The following TTC7B variants were observed in gnomAD, a reference collection of about 807,000 sequenced individuals.
TTC7B encodes the protein tetratricopeptide repeat domain 7B.
Under a neutral mutation model 106.8 loss-of-function variants are expected in TTC7B, and 28 were observed. The observed-to-expected ratio is 0.26, with a 90% CI of 0.19 to 0.36. The LOEUF (loss-of-function observed/expected upper bound fraction) is 0.36, where lower values mean the gene tolerates loss of function less well. Ranked by LOEUF, TTC7B falls within the 10% of genes least tolerant of loss-of-function variation. The pLI is 1.00. For synonymous variants in TTC7B, 405 were observed against 430.6 expected, an observed-to-expected ratio of 0.94 and a Z score of 0.74; for missense variants, 862 against 1,076.4, an observed-to-expected ratio of 0.80 and a Z score of 2.79.
intron 13 of TTC7B, among the ~76,000 whole-genome samples, chr14:90,651,895 T>C (rs1051415587): frequency 6.6e-6 from 1 of 152,208 alleles, no homozygotes; most frequent in Non-Finnish European, 1.5e-5. Flanking sequence ...CTAACGAAGC[T>C]TGTCAGGTAT....
In TTC7B at chr14:90,537,755, TC is replaced by T; in HGVS notation, c.*3612del. On this transcript the variant is annotated 3_prime_UTR_variant, in exon 20 of 20. Transcript: ENST00000328459. ...ACCTTCTAAACAGCAGCCCTGCCACTCCCTACACCCCTTCCCTGGCTTCATC... is the reference window on the plus strand; with the variant it reads ...ACCTTCTAAACAGCAGCCCTGCCACTCCTACACCCCTTCCCTGGCTTCATC... 1 of 152,124 alleles carries T rather than the reference TC, an allele frequency of 6.6e-6. No homozygotes were observed. Among genetic ancestry groups the T allele is most frequent in the Non-Finnish European group, 1.5e-5 (1 of 68,062 alleles). The allele number at this position is 152,124 out of a possible 1,614,324, so 9.4% of individuals were successfully genotyped here.
chr14:90,561,574 C>T (rs1020180151), intron 19 of TTC7B, among the ~76,000 whole-genome samples: 17 of 152,330 alleles, frequency 1.1e-4, no homozygotes, highest in Non-Finnish European at 2.1e-4. Context: ...TCCCACAGCC[C>T]GGTGGGATGA....
chr14:90,541,230 T>C lies in TTC7B; in HGVS notation c.*138A>G, dbSNP rs1352029747. ...GAGCGATGATTCGGGGTTGGTTTGG[T>C]TGGTTCACTGTGGCCCACTGAACAC... On this transcript the variant is annotated 3_prime_UTR_variant, in exon 20 of 20. Transcript: ENST00000328459. 1 of 739,016 alleles carries C rather than the reference T, an allele frequency of 1.4e-6. No homozygotes were observed. Among genetic ancestry groups the C allele is most frequent in the Non-Finnish European group, 2.1e-6 (1 of 482,866 alleles). 45.8% of individuals were successfully genotyped at this position (739,016 alleles called of 1,614,324 possible).
Position 90,735,391 on chromosome 14 carries a change from A to C in TTC7B, c.577-5195T>G, listed in dbSNP as rs925762647. On this transcript the variant is annotated intron_variant, in intron 4 of 19. Coordinates refer to ENST00000328459, the MANE Select transcript of TTC7B (RefSeq NM_001010854.2). ...GTGTGGTGGTGTGTACCTGTAGTCC[A>C]AACTACTGGGGATGCTGAGGCGGAA... is the stretch of plus-strand genomic sequence containing the variant. Among the ~76,000 whole-genome samples the C allele has an allele frequency of 6.6e-5, 10 of 151,914 alleles. No homozygotes were observed. The South Asian group carries it at 1.9e-3, about 28-fold the overall frequency.
rs907331682 is a variant in TTC7B, at chr14:90,577,010, G to A, written c.2310+1096C>T. Among the ~76,000 whole-genome samples the A allele has an allele frequency of 3.3e-5, 5 of 152,108 alleles. No homozygotes were observed. The East Asian group carries it at 5.8e-4, about 18-fold the overall frequency. On this transcript the variant is annotated intron_variant, in intron 19 of 19. Transcript: ENST00000328459. The surrounding 1 kb of genome is among the most constrained non-coding windows in gnomAD (Gnocchi z 5.0). ...GGTTAAAGAGCAAGCAGCTGATGTC[G>A]CTGGGACCAGAACTGTGTCCTCAGA... is the stretch of plus-strand genomic sequence containing the variant.
intron 11 of TTC7B, 60 bp from the exon 12 acceptor site, chr14:90,655,170 C>T: frequency 5.4e-6 from 7 of 1,308,236 alleles, no homozygotes; most frequent in Non-Finnish European, 7.7e-6. Context: ...CATGAGTTCC[C>T]ATAAGCGTCT....
intron 5 of TTC7B, among the ~76,000 whole-genome samples, chr14:90,707,629 AG>A (rs1888262844): frequency 6.6e-6 from 1 of 152,230 alleles, no homozygotes; most frequent in Non-Finnish European, 1.5e-5. Context: ...TTTTAAAAAA[AG>A]CAAAAGAGCC....
At chr14:90,701,841 A>G (rs1383042349) in intron 5 of TTC7B, among the ~76,000 whole-genome samples, 5 of 150,702 alleles carry the variant, frequency 3.3e-5, no homozygotes, top group Non-Finnish European at 7.4e-5. Context: ...GAGAGAGAAC[A>G]CTCATACCTA....
chr14:90,588,934 T>G (rs1181229567), intron 18 of TTC7B, among the ~76,000 whole-genome samples: 3 of 149,304 alleles, frequency 2.0e-5, no homozygotes, highest in African/African-American at 7.4e-5. Flanking sequence ...CAGCACCTAT[T>G]TCAGAGACAA....
intron 3 of TTC7B, among the ~76,000 whole-genome samples, chr14:90,761,025 T>G (rs1890482290): frequency 6.6e-6 from 1 of 152,248 alleles, no homozygotes; most frequent in Non-Finnish European, 1.5e-5. Context: ...GAGAAAATTA[T>G]GACAGTGAAA....
At chr14:90,642,966 T>C (rs1885247191) in intron 15 of TTC7B, among the ~76,000 whole-genome samples, 1 of 152,088 alleles carries the variant, frequency 6.6e-6, no homozygotes, top group Admixed American at 6.5e-5. Context: ...CCACTGGAGT[T>C]CAACATCACT....
At position 90,723,078 on chromosome 14, in the gene TTC7B, A is replaced by T. The variant is rs536567253; in HGVS notation, c.698+6997T>A. ...TGACACTTCCACTTAGACATCTCAC[A>T]GGCATCTTAAACCTAACATGCCAAA... On this transcript the variant is annotated intron_variant, in intron 5 of 19. Coordinates refer to ENST00000328459, the MANE Select transcript of TTC7B (RefSeq NM_001010854.2). Among the ~76,000 whole-genome samples, 7 of 152,350 alleles carry T rather than the reference A, an allele frequency of 4.6e-5. No homozygotes were observed. The East Asian group carries it at 1.3e-3, about 29-fold the overall frequency.
chr14:90,656,635 AT>A (rs1255215947), intron 11 of TTC7B, among the ~76,000 whole-genome samples: 1 of 152,172 alleles, frequency 6.6e-6, no homozygotes, highest in Non-Finnish European at 1.5e-5. Flanking sequence ...CTACAAAAAA[AT>A]TAAAAAATTA....
Position 90,654,916 on chromosome 14 carries a change from C to T in TTC7B, c.1459+77G>A. 5 of 1,170,328 alleles carry T rather than the reference C, an allele frequency of 4.3e-6. No homozygotes were observed. In the South Asian group the frequency reaches 6.2e-5, roughly 15 times the overall value. The allele number at this position is 1,170,328 out of a possible 1,614,324, so 72.5% of individuals were successfully genotyped here. ...TGCACCCTCCTGAGACAGAAGGGGA[C>T]TGTGGGAATCCCGCAGGGTAGACTT... On this transcript the variant is annotated intron_variant, in intron 12 of 19. Coordinates refer to ENST00000328459, the MANE Select transcript of TTC7B (RefSeq NM_001010854.2).
Position 90,811,467 on chromosome 14 carries a change from A to T in TTC7B, c.121+4708T>A, listed in dbSNP as rs781076890. Among the ~76,000 whole-genome samples, 8 of 152,212 alleles carry T rather than the reference A, an allele frequency of 5.3e-5. No homozygotes were observed. In the South Asian group the frequency reaches 1.7e-3, roughly 32 times the overall value. On this transcript the variant is annotated intron_variant, in intron 1 of 19. Coordinates refer to ENST00000328459, the MANE Select transcript of TTC7B (RefSeq NM_001010854.2). The stretch of plus-strand genomic sequence containing the variant: ...AAGACCCTCAGGCCAGCCAGGGAGG[A>T]CCATAGTCCACCCCGACTCCTCTTC...
chr14:90,655,850 T>G (rs190061590), intron 11 of TTC7B, among the ~76,000 whole-genome samples: 1 of 152,234 alleles, frequency 6.6e-6, no homozygotes, highest in Admixed American at 6.5e-5. Flanking sequence ...CAGAAAAGAT[T>G]TGTTACTCTT....
intron 15 of TTC7B, among the ~76,000 whole-genome samples, chr14:90,625,288 G>A (rs1220354068): frequency 6.6e-6 from 1 of 152,204 alleles, no homozygotes; most frequent in Non-Finnish European, 1.5e-5. Context: ...CAGAGAGTCT[G>A]AGATCAGCCC....
chr14:90,685,258 G>T (rs1035463468), intron 7 of TTC7B, among the ~76,000 whole-genome samples: 3 of 152,168 alleles, frequency 2.0e-5, no homozygotes, highest in Non-Finnish European at 2.9e-5. Context: ...TAGCCAAAAT[G>T]AGGTTTGCAC....
Position 90,570,287 on chromosome 14 carries a change from A to G in TTC7B, c.2310+7819T>C, listed in dbSNP as rs957237875. 5.3e-5 allele frequency among the ~76,000 whole-genome samples: 8 copies of G among 152,110 alleles called. No homozygotes were observed. Among genetic ancestry groups the G allele is most frequent in the Admixed American group, 2.0e-4 (3 of 15,282 alleles). On this transcript the variant is annotated intron_variant, in intron 19 of 19. Coordinates refer to ENST00000328459, the MANE Select transcript of TTC7B (RefSeq NM_001010854.2). The surrounding 1 kb of genome is among the most constrained non-coding windows in gnomAD (Gnocchi z 4.0). Reference sequence around the variant, plus strand: ...TCAAATCACATGGCTGCATCATCCAATCCTGCCTCGAAGTCATTTCCCGCA... The same window carrying G: ...TCAAATCACATGGCTGCATCATCCAGTCCTGCCTCGAAGTCATTTCCCGCA...
Sources: gnomAD v4.1 joint callset for allele counts (sites outside exome capture counted in the v4.1 genomes callset) on GRCh38, gnomAD v4.1.1 for gene constraint, Gnocchi (gnomAD v3.1) non-coding constraint, MANE v1.5 for transcripts, NCBI Gene and HGNC (gene_info 2026-07-23, HGNC 2026-07-21) for gene names.